CTBP1: variants seen among roughly 807,000 people sequenced by gnomAD.
CTBP1 encodes C-terminal binding protein 1.
CTBP1 carries 11 observed loss-of-function variants against 42.1 expected under a neutral mutation model. That is an observed-to-expected ratio of 0.26 (90% CI 0.16 to 0.43). The LOEUF (loss-of-function observed/expected upper bound fraction) is 0.43. Ranked by LOEUF, CTBP1 falls within the 20% of genes least tolerant of loss-of-function variation. The pLI is 1.00. For synonymous variants in CTBP1, 324 were observed against 277.1 expected (o/e 1.17, Z -1.68); for missense variants, 399 against 624.3 (o/e 0.64, Z 3.85).
intron 1 of CTBP1, chr4:1,245,116 C>T: frequency 2.0e-6 from 2 of 985,452 alleles, no homozygotes; most frequent in Non-Finnish European, 2.4e-6. Flanking sequence ...CGACAGCACC[C>T]CAGACAGACA....
intron 6 of CTBP1, 200 bp downstream of exon 6, chr4:1,215,791 T>A (rs987599542): frequency 1.6e-6 from 1 of 608,628 alleles, no homozygotes; most frequent in Non-Finnish European, 2.9e-6. Context: ...ATTTTAGATG[T>A]CCTGAGTAGA....
chr4:1,234,561 A>G (rs1336321247), intron 3 of CTBP1: 1 of 152,184 alleles, frequency 6.6e-6, no homozygotes, highest in African/African-American at 2.4e-5. Context: ...CCAACCACTG[A>G]TCTGCATTTT....
At chr4:1,224,001 G>T (rs1730034249) in intron 5 of CTBP1, among the ~76,000 whole-genome samples, 1 of 152,212 alleles carries the variant, frequency 6.6e-6, no homozygotes, top group Non-Finnish European at 1.5e-5. Flanking sequence ...ACTCCCCGGG[G>T]ATAGGGCCAG....
chr4:1,226,873 T>C (rs188782942), intron 4 of CTBP1, among the ~76,000 whole-genome samples: 44 of 151,408 alleles, frequency 2.9e-4, no homozygotes, highest in African/African-American at 1.1e-3. Flanking sequence ...GATGGAGGCA[T>C]GGCTTCCGAC....
chr4:1,237,084 G>C (rs1273373519), intron 3 of CTBP1: 7 of 672,124 alleles, frequency 1.0e-5, no homozygotes. Flanking sequence ...AAAACCCCGT[G>C]TCCACCTCCT....
upstream of CTBP1, chr4:1,249,669 A>T (rs1292784264): frequency 4.7e-6 from 2 of 422,754 alleles, no homozygotes; most frequent in East Asian, 1.0e-4. Context: ...CCGGCGGCAC[A>T]TGGGACCCCG....
intron 5 of CTBP1, among the ~76,000 whole-genome samples, chr4:1,219,337 G>A (rs989756206): frequency 6.6e-6 from 1 of 152,170 alleles, no homozygotes; most frequent in African/African-American, 2.4e-5. Context: ...GAGTGACAGA[G>A]CAAGACCTTG....
intron 5 of CTBP1, among the ~76,000 whole-genome samples, chr4:1,223,163 A>G (rs2020137): frequency 1.3e-5 from 2 of 151,562 alleles, no homozygotes; most frequent in African/African-American, 2.4e-5. Context: ...CCTCTGCCCC[A>G]ACCTGGGCTT....
In CTBP1 at chr4:1,214,301, G is replaced by A. The variant is rs758360205; in HGVS notation, c.860+42C>T. Reference sequence around the variant, plus strand: ...TGGAGGTCAAGGCCGGCAGGATGGTGGACAGGGAAGAGCAGGGGGGCGGCA... The same window carrying A: ...TGGAGGTCAAGGCCGGCAGGATGGTAGACAGGGAAGAGCAGGGGGGCGGCA... On this transcript the variant is annotated intron_variant, in intron 7 of 9. Transcript: ENST00000382952. 14 of 1,515,574 alleles carry A rather than the reference G, an allele frequency of 9.2e-6. No individual in the cohort carries two copies. The East Asian group carries it at 3.4e-4, about 37-fold the overall frequency. 93.9% of individuals were successfully genotyped at this position (1,515,574 alleles called of 1,614,324 possible). A position where few individuals can be genotyped will look rare whatever the true frequency, so the allele number is the denominator to read the frequency against.
intron 1 of CTBP1, chr4:1,243,852 C>T (rs976272643): frequency 6.5e-5 from 64 of 985,340 alleles, no homozygotes; most frequent in African/African-American, 2.3e-4. Context: ...CAGCCGCACA[C>T]GGCTCTCAGC....
Position 1,216,063 on chromosome 4 carries a change from G to T in CTBP1, c.657C>A (p.Ser219Arg). Reference sequence around the variant, plus strand: ...GGCCGCAGTGCAGGGTCACGCAGTCGCTGTGGAAGAGCAGGTCCTGCAGGG... The same window carrying T: ...GGCCGCAGTGCAGGGTCACGCAGTCTCTGTGGAAGAGCAGGTCCTGCAGGG... Reference protein sequence around the residue: ...VSTLQDLLFHSDCVTLHCGLN... With the variant: ...VSTLQDLLFHRDCVTLHCGLN... Residue 219 changes from serine to arginine, a missense_variant, in exon 6 of 10, where the codon AGC (serine) becomes AGA (arginine). Ser to Arg is a moderately radical substitution (Grantham distance 110). Coordinates refer to ENST00000382952, the MANE Select transcript of CTBP1 (RefSeq NM_001012614.2). 1 of 1,611,668 alleles carries T rather than the reference G, an allele frequency of 6.2e-7. No homozygotes were observed. Among genetic ancestry groups the T allele is most frequent in the Non-Finnish European group, 8.5e-7 (1 of 1,179,880 alleles).
chr4:1,217,285 C>T (rs1479184076), intron 5 of CTBP1: 1 of 152,302 alleles, frequency 6.6e-6, no homozygotes. Context: ...GCACTACATC[C>T]TAGAAAGGGA....
At chr4:1,243,999 T>G (rs1384050624) in intron 1 of CTBP1, 1 of 985,292 alleles carries the variant, frequency 1.0e-6, no homozygotes, top group Non-Finnish European at 1.2e-6. Context: ...TTCCTGTAAA[T>G]CTAAGACTGC....
rs545397356 is a variant in CTBP1 at position 1,246,254 on chromosome 4, C to G, written c.-189+2662G>C. ...ACCCACAACTACCAACATCCAGCGA[C>G]CACCAGAGGACCCTGGCGCTCCACC... On this transcript the variant is annotated intron_variant, in intron 1 of 9. Transcript: ENST00000382952. Among the ~76,000 whole-genome samples, 3 of 152,262 alleles carry G rather than the reference C, an allele frequency of 2.0e-5. No individual in the cohort carries two copies. The South Asian group carries it at 6.2e-4, about 32-fold the overall frequency.
At chr4:1,239,027 T>A (rs1375891354) in intron 2 of CTBP1, among the ~76,000 whole-genome samples, 2 of 152,154 alleles carry the variant, frequency 1.3e-5, no homozygotes, top group Non-Finnish European at 2.9e-5. Context: ...TGGCATTACT[T>A]CCAATTATAG....
chr4:1,223,150 C>T (rs371279138), intron 5 of CTBP1, among the ~76,000 whole-genome samples: 14 of 152,254 alleles, frequency 9.2e-5, no homozygotes, highest in African/African-American at 2.4e-4. Flanking sequence ...CGGCCCCTCC[C>T]GACCTCTGCC....
rs1228598004 is a variant in CTBP1, at chr4:1,244,501, C to T, written c.-188-2982G>A. 3 of 985,136 alleles carry T rather than the reference C, an allele frequency of 3.0e-6. No homozygotes were observed. The African/African-American group carries it at 5.2e-5, about 17-fold the overall frequency. 61.0% of individuals were successfully genotyped at this position (985,136 alleles called of 1,614,324 possible). ...TCGGCAGCTACCAACCCTCCACGTCCCTCCACTGGCCAGCCCTGCTGGGCC... is the reference window on the plus strand; with the variant it reads ...TCGGCAGCTACCAACCCTCCACGTCTCTCCACTGGCCAGCCCTGCTGGGCC... On this transcript the variant is annotated intron_variant, in intron 1 of 9. Transcript: ENST00000382952.
intron 7 of CTBP1, 156 bp downstream of exon 7, chr4:1,214,187 T>C (rs868514247): frequency 1.0e-6 from 1 of 1,000,288 alleles, no homozygotes; most frequent in Non-Finnish European, 1.4e-6. Flanking sequence ...GGCTCCATCC[T>C]CACCCCGCAG....
chr4:1,248,961 G>GGC lies in CTBP1; in HGVS notation c.-236_-235dup. Reference sequence around the variant, plus strand: ...AGCAAGTGCGAGCTGCCCATCGAGAGGCGCGAGCGGCCGCGGGCCCCGACC... The same window carrying GGC: ...AGCAAGTGCGAGCTGCCCATCGAGAGGCGCGCGAGCGGCCGCGGGCCCCGACC... On this transcript the variant is annotated 5_prime_UTR_variant, in exon 1 of 10. Transcript: ENST00000382952. 1 of 1,001,500 alleles carries GGC rather than the reference G, an allele frequency of 1.0e-6. No individual in the cohort carries two copies. Among genetic ancestry groups the GGC allele is most frequent in the Non-Finnish European group, 1.2e-6 (1 of 836,978 alleles). 62.0% of individuals were successfully genotyped at this position (1,001,500 alleles called of 1,614,324 possible). A position where few individuals can be genotyped will look rare whatever the true frequency, so the allele number is the denominator to read the frequency against.
Sources: gnomAD v4.1 joint callset for allele counts (sites outside exome capture counted in the v4.1 genomes callset) on GRCh38, gnomAD v4.1.1 for gene constraint, MANE v1.5 for transcripts, NCBI Gene and HGNC (gene_info 2026-07-23, HGNC 2026-07-21) for gene names.